The following LUZP2 variants were observed in gnomAD, a reference collection of about 807,000 sequenced individuals.
The protein encoded by LUZP2 is leucine zipper protein 2.
A neutral mutation model predicts 51.6 loss-of-function variants in LUZP2; 52 were observed. The observed-to-expected ratio is 1.01, with a 90% CI of 0.81 to 1.27. The LOEUF is 1.27. Among genes scored for constraint, LUZP2 ranks in the 50% most tolerant of loss-of-function variants. The probability of loss-of-function intolerance (pLI) is 0.00; values close to 1 mark genes in which losing one functional copy is unlikely to be tolerated. For missense variants in LUZP2, 436 were observed against 395.4 expected (o/e 1.10, Z -0.87); for synonymous variants, 154 against 137.3 (o/e 1.12, Z -0.85).
chr11:24,869,515 G>A (rs895671178), intron 5 of LUZP2, among the ~76,000 whole-genome samples: 2 of 151,972 alleles, frequency 1.3e-5, no homozygotes, highest in African/African-American at 4.8e-5. Context: ...GGAGTGGAGT[G>A]GCATGAATTC....
At chr11:24,528,298 C>A (rs573497731) in intron 1 of LUZP2, among the ~76,000 whole-genome samples, 2 of 151,286 alleles carry the variant, frequency 1.3e-5, no homozygotes, top group African/African-American at 4.8e-5. Context: ...TTCCTTACTG[C>A]AGGAATTTCT....
chr11:24,880,471 G>A (rs1217553397), intron 5 of LUZP2, among the ~76,000 whole-genome samples: 2 of 152,162 alleles, frequency 1.3e-5, no homozygotes, highest in African/African-American at 4.8e-5. Context: ...TGCTAAACTG[G>A]TGTCTTTGTT....
At chr11:24,620,820 AAGTCATGACTTGATTTACC>A (rs879669150) in intron 1 of LUZP2, among the ~76,000 whole-genome samples, 6 of 152,254 alleles carry the variant, frequency 3.9e-5, no homozygotes, top group African/African-American at 9.6e-5. Context: ...CAAAGCAATT[AAGTCATGACTTGATTTACC>A]AGTCATTTCA....
At chr11:25,038,311 C>T (rs967941173) in intron 9 of LUZP2, among the ~76,000 whole-genome samples, 16 of 152,210 alleles carry the variant, frequency 1.1e-4, no homozygotes, top group Admixed American at 1.0e-3. Flanking sequence ...TTAATACTTA[C>T]AGTTGTATTA....
In LUZP2 at chr11:24,741,973, C is replaced by T. The variant is rs34122699; in HGVS notation, c.333+3671C>T. On this transcript the variant is annotated intron_variant, in intron 4 of 11. Coordinates refer to ENST00000336930, the MANE Select transcript of LUZP2 (RefSeq NM_001009909.4). ...TTTATATATTATATATAAATATATACATTTATATATTATATATAAATGTAT... is the reference window on the plus strand; with the variant it reads ...TTTATATATTATATATAAATATATATATTTATATATTATATATAAATGTAT... 2.1e-3 allele frequency among the ~76,000 whole-genome samples: 66 copies of T among 31,608 alleles called. 1 individual carries two copies. Among genetic ancestry groups the T allele is most frequent in the South Asian group, 9.3e-3 (7 of 750 alleles). The allele number at this position is 31,608 out of a possible 152,430, so 20.7% of individuals were successfully genotyped here. A position where few individuals can be genotyped will look rare whatever the true frequency, so the allele number is the denominator to read the frequency against.
At chr11:24,964,570 A>G (rs1197146042) in intron 7 of LUZP2, among the ~76,000 whole-genome samples, 1 of 152,156 alleles carries the variant, frequency 6.6e-6, no homozygotes, top group Non-Finnish European at 1.5e-5. Flanking sequence ...TAAGTAAGGA[A>G]CAATCAGATA....
intron 1 of LUZP2, among the ~76,000 whole-genome samples, chr11:24,616,305 C>T (rs929408369): frequency 3.3e-5 from 5 of 151,972 alleles, no homozygotes; most frequent in African/African-American, 1.2e-4. Flanking sequence ...CACCTTTTCC[C>T]CTATGTTTTC....
At position 24,738,268 on chromosome 11, in the gene LUZP2, A is replaced by G; in HGVS notation, c.299A>G (p.Glu100Gly). 6.2e-7 allele frequency: 1 copy of G among 1,612,732 alleles called. No individual in the cohort carries two copies. Among genetic ancestry groups the G allele is most frequent in the South Asian group, 1.1e-5 (1 of 91,004 alleles). The stretch of plus-strand genomic sequence containing the variant: ...GAGGCCCTGCAAAATCAGCTTAAGG[A>G]GACATCAGAGAAAGCAGAAAAACAC... ...LQEALQNQLK[E>G]TSEKAEKHQA... The change falls in exon 4 of 12, where the codon GAG (glutamate) becomes GGG (glycine). Residue 100 changes from glutamate to glycine, a missense_variant. Coordinates refer to ENST00000336930, the MANE Select transcript of LUZP2 (RefSeq NM_001009909.4).
rs1321489013 is a variant in LUZP2, at chr11:24,698,108, A to G, written c.63-31061A>G. On this transcript the variant is annotated intron_variant, in intron 1 of 11. Coordinates refer to ENST00000336930, the MANE Select transcript of LUZP2 (RefSeq NM_001009909.4). Reference sequence around the variant, plus strand: ...GTGGATTTGAGAAATATCTCCTGTCATTCCACTTGGCTGTCTTGTGATAAT... The same window carrying G: ...GTGGATTTGAGAAATATCTCCTGTCGTTCCACTTGGCTGTCTTGTGATAAT... Among the ~76,000 whole-genome samples, 4 of 152,184 alleles carry G rather than the reference A, an allele frequency of 2.6e-5. 1 individual carries two copies. In the East Asian group the frequency reaches 7.7e-4, roughly 29 times the overall value.
intron 5 of LUZP2, chr11:24,891,236 A>G: frequency 1.0e-6 from 1 of 984,840 alleles, no homozygotes; most frequent in Non-Finnish European, 1.2e-6. Context: ...AAGGCAATTT[A>G]GCATTTCCAC....
intron 1 of LUZP2, among the ~76,000 whole-genome samples, chr11:24,711,947 A>T (rs1323656895): frequency 6.6e-6 from 1 of 152,168 alleles, no homozygotes; most frequent in African/African-American, 2.4e-5. Flanking sequence ...CTTCTCTCTC[A>T]AAAGTGCCAC....
intron 9 of LUZP2, among the ~76,000 whole-genome samples, chr11:24,995,215 C>G (rs1480858033): frequency 6.6e-6 from 1 of 151,982 alleles, no homozygotes; most frequent in Non-Finnish European, 1.5e-5. Context: ...CAACACGGCT[C>G]AATCCCATCT....
intron 1 of LUZP2, among the ~76,000 whole-genome samples, chr11:24,722,491 C>T (rs988277791): frequency 1.3e-5 from 2 of 152,116 alleles, no homozygotes; most frequent in Non-Finnish European, 1.5e-5. Context: ...AACCACATCC[C>T]ACCAGGTTCC....
intron 1 of LUZP2, among the ~76,000 whole-genome samples, chr11:24,704,347 T>A (rs112099754): frequency 0.015 from 2,223 of 152,248 alleles, 26 homozygotes; most frequent in Middle Eastern, 0.038. Flanking sequence ...TTAAAAATAT[T>A]TCTTTCCTTA....
intron 1 of LUZP2, among the ~76,000 whole-genome samples, chr11:24,509,078 G>A (rs867597107): frequency 2.0e-5 from 3 of 152,138 alleles, no homozygotes; most frequent in South Asian, 2.1e-4. Flanking sequence ...ATACACACGC[G>A]ACATGTGCGA....
intron 5 of LUZP2, among the ~76,000 whole-genome samples, chr11:24,859,290 C>A (rs772472571): frequency 6.6e-6 from 1 of 151,892 alleles, no homozygotes; most frequent in Non-Finnish European, 1.5e-5. Context: ...GAGCTTTTCC[C>A]GACTTATTGT....
At chr11:24,597,747 C>T (rs1853489477) in intron 1 of LUZP2, among the ~76,000 whole-genome samples, 1 of 152,102 alleles carries the variant, frequency 6.6e-6, no homozygotes, top group African/African-American at 2.4e-5. Context: ...TATATGGTAT[C>T]ACATTAGAAA....
chr11:24,601,477 T>C (rs1373408583), intron 1 of LUZP2, among the ~76,000 whole-genome samples: 1 of 151,946 alleles, frequency 6.6e-6, no homozygotes, highest in Non-Finnish European at 1.5e-5. Context: ...TGATTCTCTT[T>C]ATTGGTTTCT....
At chr11:24,535,059 G>A (rs1851133352) in intron 1 of LUZP2, among the ~76,000 whole-genome samples, 1 of 150,868 alleles carries the variant, frequency 6.6e-6, no homozygotes, top group South Asian at 2.1e-4. Context: ...TTATATTAAT[G>A]CTCTACTATA....
Sources: gnomAD v4.1 joint callset for allele counts (sites outside exome capture counted in the v4.1 genomes callset) on GRCh38, gnomAD v4.1.1 for gene constraint, MANE v1.5 for transcripts, NCBI Gene and HGNC (gene_info 2026-07-23, HGNC 2026-07-21) for gene names.